MIDEAS: variants seen among roughly 807,000 people sequenced by gnomAD.
MIDEAS encodes mitotic deacetylase-associated SANT domain protein.
MIDEAS carries 26 observed loss-of-function variants against 102.7 expected under a neutral mutation model. The observed-to-expected ratio is 0.25, with a 90% CI of 0.19 to 0.35. The LOEUF is 0.35. Ranked by LOEUF, MIDEAS falls within the 10% of genes least tolerant of loss-of-function variation. MIDEAS has a pLI of 1.00. For synonymous variants in MIDEAS, 585 were observed against 591.0 expected (o/e 0.99, Z 0.15); for missense variants, 1,231 against 1,435.6 (o/e 0.86, Z 2.30).
At position 73,740,040 on chromosome 14, in the gene MIDEAS, C is replaced by A; in HGVS notation, c.-32G>T. ...GCCAACTGAGCCCTGGCGGTGAGAT[C>A]CCCTTCAACAGTCGCCCATCCCCTG... On this transcript the variant is annotated 5_prime_UTR_variant, in exon 2 of 13. Coordinates refer to ENST00000423556, the MANE Select transcript of MIDEAS (RefSeq NM_001367710.1). The A allele has an allele frequency of 6.9e-7, 1 of 1,450,172 alleles. No homozygotes were observed. 89.8% of individuals were successfully genotyped at this position (1,450,172 alleles called of 1,614,324 possible).
rs191486286 is a variant in MIDEAS at position 73,781,290 on chromosome 14, G to A, written c.-248+5812C>T. ...AACTGGGGCTGGATGATAACAGTCC[G>A]TAAGATCCTATCCAATTCTAAAAGT... On this transcript the variant is annotated intron_variant, in intron 1 of 11. Transcript: ENST00000394071. Among the ~76,000 whole-genome samples, 32 of 152,268 alleles carry A rather than the reference G, an allele frequency of 2.1e-4. No homozygotes were observed. The East Asian group carries it at 3.9e-3, about 18-fold the overall frequency.
chr14:73,761,006 C>G (rs2053549488), upstream of MIDEAS, among the ~76,000 whole-genome samples: 1 of 152,168 alleles, frequency 6.6e-6, no homozygotes, highest in African/African-American at 2.4e-5. Flanking sequence ...CCCCCACATT[C>G]AATGGGGCTC....
intron 10 of MIDEAS, among the ~76,000 whole-genome samples, chr14:73,721,929 C>T (rs561007615): frequency 6.6e-6 from 1 of 152,136 alleles, no homozygotes; most frequent in Non-Finnish European, 1.5e-5. Flanking sequence ...CCTGTCTTAC[C>T]GTAGCATGTC....
intron 1 of MIDEAS, among the ~76,000 whole-genome samples, chr14:73,746,451 G>T (rs992176868): frequency 6.6e-6 from 1 of 152,194 alleles, no homozygotes; most frequent in African/African-American, 2.4e-5. Context: ...GCAGGAGTAG[G>T]GTAGAAGCAG....
intron 9 of MIDEAS, 172 bp from the exon 10 acceptor site, chr14:73,723,019 G>T: frequency 1.6e-6 from 1 of 620,830 alleles, no homozygotes; most frequent in Non-Finnish European, 2.9e-6. Flanking sequence ...ACAAACCACT[G>T]ATCAATTAAT....
At position 73,739,178 on chromosome 14, in the gene MIDEAS, C is replaced by T; in HGVS notation, c.831G>A (p.Met277Ile). The T allele has an allele frequency of 1.2e-6, 2 of 1,613,942 alleles. No homozygotes were observed. The highest frequency in any genetic ancestry group is 4.5e-5 in the East Asian group (2 of 44,880). The stretch of plus-strand genomic sequence containing the variant: ...GGGGTTGCTGCGAGGGTTGCTGCGG[C>T]ATGGAATAGAAGTTCTCAAAGAGCG... ...QMPLFENFYS[M>I]PQQPSQQPQD... The change falls in exon 2 of 13, where the codon ATG (methionine) becomes ATA (isoleucine). Residue 277 changes from methionine to isoleucine, a missense_variant. Around this residue, in one of 5 missense-constraint regions of MIDEAS, gnomAD observed 758 missense variants for 856.0 expected, o/e 0.89. Transcript: ENST00000423556.
In MIDEAS at chr14:73,754,248, C is replaced by T. The variant is rs1436316872; in HGVS notation, c.-248+5515G>A. Among the ~76,000 whole-genome samples, 5 of 152,252 alleles carry T rather than the reference C, an allele frequency of 3.3e-5. No individual in the cohort carries two copies. In the South Asian group the frequency reaches 8.3e-4, roughly 25 times the overall value. On this transcript the variant is annotated intron_variant, in intron 1 of 12. Transcript: ENST00000423556. ...GAAAGCACAACTAGCAGCCACCATGCAGATGGGCCTCTGCCCCGTTTTTCC... is the reference window on the plus strand; with the variant it reads ...GAAAGCACAACTAGCAGCCACCATGTAGATGGGCCTCTGCCCCGTTTTTCC...
Position 73,742,490 on chromosome 14 carries a change from T to C in MIDEAS, c.-247-2235A>G, listed in dbSNP as rs1676190727. Among the ~76,000 whole-genome samples the C allele has an allele frequency of 6.6e-6, 1 of 152,160 alleles. No homozygotes were observed. The highest frequency in any genetic ancestry group is 6.5e-5 in the Admixed American group (1 of 15,288). On this transcript the variant is annotated intron_variant, in intron 1 of 12. Transcript: ENST00000423556. The surrounding 1 kb of genome is among the most constrained non-coding windows in gnomAD (Gnocchi z 4.4). Reference sequence around the variant, plus strand: ...CCCAGGGCAGGGGCCAGAGGCCAGATGCAGGTCTTACAGGGGCTTACCCAC... The same window carrying C: ...CCCAGGGCAGGGGCCAGAGGCCAGACGCAGGTCTTACAGGGGCTTACCCAC...
Position 73,752,776 on chromosome 14 carries a change from A to G in MIDEAS, c.-248+6987T>C, listed in dbSNP as rs1452753438. On this transcript the variant is annotated intron_variant, in intron 1 of 12. Transcript: ENST00000423556. ...CTTTGCATTTCTCCAGTCTCTGAGC[A>G]GCTGCTGCAGGGCCTTTTCTCCTAT... is the stretch of plus-strand genomic sequence containing the variant. 2.1e-4 allele frequency among the ~76,000 whole-genome samples: 32 copies of G among 152,196 alleles called. 1 individual carries two copies. Among genetic ancestry groups the G allele is most frequent in the Admixed American group, 2.0e-3 (31 of 15,280 alleles).
At chr14:73,772,839 T>G (rs757049554) in intron 1 of MIDEAS, among the ~76,000 whole-genome samples, 16 of 65,648 alleles carry the variant, frequency 2.4e-4, no homozygotes, top group Non-Finnish European at 6.2e-4. Flanking sequence ...GTGTGTATTT[T>G]GTTGTTGTTG....
intron 1 of MIDEAS, among the ~76,000 whole-genome samples, chr14:73,780,936 G>GTTTT (rs58847225): frequency 7.3e-5 from 11 of 150,696 alleles, no homozygotes; most frequent in Non-Finnish European, 1.0e-4. Context: ...AGTTTTTTTT[G>GTTTT]TTTTTTTGTT....
chr14:73,738,816 A>C lies in MIDEAS; in HGVS notation c.1193T>G (p.Leu398Arg). 1 of 1,574,234 alleles carries C rather than the reference A, an allele frequency of 6.4e-7. No individual in the cohort carries two copies. The highest frequency in any genetic ancestry group is 8.6e-7 in the Non-Finnish European group (1 of 1,158,936). ...CTCCCTCAGCTCCAGCGGGAATCCC[A>C]GAGCTTCAGGATGGGGCTGCCCCAG... ...GSLGQPHPEA[L>R]GFPLELRESQ... The change falls in exon 2 of 13, where the codon CTG (leucine) becomes CGG (arginine). Residue 398 changes from leucine (L) to arginine (R), a missense_variant. Leu to Arg is a moderately radical substitution (Grantham distance 102). Around this residue, in one of 5 missense-constraint regions of MIDEAS, gnomAD observed 758 missense variants for 856.0 expected, o/e 0.89. Transcript: ENST00000423556.
At chr14:73,773,251 T>C (rs1213792753) in intron 1 of MIDEAS, among the ~76,000 whole-genome samples, 2 of 151,938 alleles carry the variant, frequency 1.3e-5, no homozygotes, top group Admixed American at 6.6e-5. Flanking sequence ...TCTACTCTTA[T>C]AATGCACTTT....
rs755137535 is a variant in MIDEAS, at chr14:73,739,459, G to A, written c.550C>T (p.Pro184Ser). ...CCTACCTCCAGCTGCACCTTCTGTG[G>A]CATCATTGGTCGCACATAGCGGTCC... ...QLDRYVRPMM[P>S]QKVQLEVGRP... Residue 184 changes from proline (P) to serine (S), a missense_variant, in exon 2 of 13, where the codon CCA (proline) becomes TCA (serine). Physicochemically the swap from Pro to Ser is moderately conservative, Grantham distance 74. This residue lies in a region of MIDEAS where 758 missense variants were observed against 856.0 expected (regional missense o/e 0.89). Coordinates refer to ENST00000423556, the MANE Select transcript of MIDEAS (RefSeq NM_001367710.1). The A allele has an allele frequency of 2.5e-6, 4 of 1,601,428 alleles. No individual in the cohort carries two copies. Among genetic ancestry groups the A allele is most frequent in the Non-Finnish European group, 2.6e-6 (3 of 1,173,214 alleles).
intron 2 of MIDEAS, among the ~76,000 whole-genome samples, chr14:73,738,272 T>G (rs1250674773): frequency 6.6e-6 from 1 of 152,094 alleles, no homozygotes; most frequent in Non-Finnish European, 1.5e-5. Context: ...GGCAGGCGCC[T>G]GTAATCCCAG....
In MIDEAS at chr14:73,767,028, T is replaced by C. The variant is rs1436674607; in HGVS notation, c.-248+20074A>G. On this transcript the variant is annotated intron_variant, in intron 1 of 11. Transcript: ENST00000394071. ...CGCCACCACACCCAGCTAATTTTTG[T>C]ATTTTTAGTAGAGATGGGGTTTCGT... Among the ~76,000 whole-genome samples, 6 of 152,020 alleles carry C rather than the reference T, an allele frequency of 3.9e-5. 1 individual carries two copies. In the East Asian group the frequency reaches 1.2e-3, roughly 29 times the overall value.
At chr14:73,728,079 C>T (rs1595257194) in intron 4 of MIDEAS, 1 of 151,866 alleles carries the variant, frequency 6.6e-6, no homozygotes, top group Non-Finnish European at 1.5e-5. Flanking sequence ...CTCACTCTGT[C>T]TCCGCCCAGG....
At chr14:73,766,543 T>C (rs1226327876) in intron 1 of MIDEAS, among the ~76,000 whole-genome samples, 1 of 152,006 alleles carries the variant, frequency 6.6e-6, no homozygotes, top group Admixed American at 6.6e-5. Flanking sequence ...TCCTCTTCCA[T>C]TTCTTTTCTT....
chr14:73,778,451 T>C (rs1291360051), intron 1 of MIDEAS, among the ~76,000 whole-genome samples: 1 of 151,776 alleles, frequency 6.6e-6, no homozygotes, highest in Non-Finnish European at 1.5e-5. Context: ...AGTCAGATCC[T>C]AAATGCCACG....
Sources: gnomAD v4.1 joint callset for allele counts (sites outside exome capture counted in the v4.1 genomes callset) on GRCh38, gnomAD v4.1.1 for gene constraint, gnomAD v4.1.1 regional missense constraint, Gnocchi (gnomAD v3.1) non-coding constraint, MANE v1.5 for transcripts, NCBI Gene and HGNC (gene_info 2026-07-23, HGNC 2026-07-21) for gene names.